Variants in EPSTI1 observed in about 807,000 individuals in gnomAD.
EPSTI1 encodes the protein epithelial stromal interaction 1.
In EPSTI1, 66 loss-of-function variants were observed where a neutral mutation model predicts 49.9. The observed-to-expected ratio is 1.32, with a 90% CI of 1.08 to 1.62. The LOEUF (loss-of-function observed/expected upper bound fraction) is 1.62, where lower values mean the gene tolerates loss of function less well. Ranked by LOEUF, EPSTI1 falls within the 40% of genes most tolerant of loss-of-function variation. The pLI is 0.00. For missense variants in EPSTI1, 394 were observed against 365.5 expected, an observed-to-expected ratio of 1.08 and a Z score of -0.64; for synonymous variants, 137 against 130.7, an observed-to-expected ratio of 1.05 and a Z score of -0.33.
intron 7 of EPSTI1, among the ~76,000 whole-genome samples, chr13:42,920,533 G>A (rs1335901952): frequency 6.6e-6 from 1 of 152,164 alleles, no homozygotes; most frequent in Non-Finnish European, 1.5e-5. Flanking sequence ...ACCAGCTATT[G>A]AGGAAGACAG....
intron 6 of EPSTI1, among the ~76,000 whole-genome samples, chr13:42,947,717 G>A (rs114145718): frequency 0.01 from 1,532 of 152,224 alleles, 30 homozygotes; most frequent in African/African-American, 0.034. Context: ...TTCCTATGAC[G>A]TACACAGATC....
In EPSTI1 at chr13:42,926,429, G is replaced by T; in HGVS notation, c.564C>A (p.Tyr188Ter). The T allele has an allele frequency of 6.2e-7, 1 of 1,604,138 alleles. No individual in the cohort carries two copies. The highest frequency in any genetic ancestry group is 8.5e-7 in the Non-Finnish European group (1 of 1,170,918). The change falls in exon 7 of 11, where the codon TAC becomes TAA. Residue 188 changes from tyrosine to a stop codon, truncating the protein, a stop_gained and splice_region_variant. Transcript: ENST00000313624. LOFTEE classifies it high-confidence loss of function. ...RREAFREHQQYKTAEFLSKLN... is the reference protein window; with the variant it reads ...RREAFREHQQ ...GTTTGCTCAAGAACTCAGCGGTTTT[G>T]CTACCAGAAACACAAACAGGTGTTA...
chr13:42,926,095 G>C (rs2038168045), intron 7 of EPSTI1, among the ~76,000 whole-genome samples: 1 of 152,198 alleles, frequency 6.6e-6, no homozygotes, highest in African/African-American at 2.4e-5. Context: ...ATGGGTGGGT[G>C]AATGAATGGT....
At chr13:42,917,689 T>A (rs533274941) in intron 7 of EPSTI1, 65 bp from the exon 8 acceptor site, 2 of 1,218,062 alleles carry the variant, frequency 1.6e-6, no homozygotes, top group East Asian at 5.2e-5. Flanking sequence ...GTTGTCACAG[T>A]ACACCAAGCT....
chr13:42,960,163 G>A (rs978531055), intron 5 of EPSTI1, among the ~76,000 whole-genome samples: 15 of 152,050 alleles, frequency 9.9e-5, no homozygotes, highest in Admixed American at 7.2e-4. Flanking sequence ...ATATAATACC[G>A]TATATTATCT....
At chr13:42,991,948 G>T (rs1416228332) in intron 1 of EPSTI1, 30 bp downstream of exon 1, 2 of 1,611,492 alleles carry the variant, frequency 1.2e-6, no homozygotes, top group Non-Finnish European at 1.7e-6. Context: ...CCGGGCTCCC[G>T]CCCCGAAGCC....
chr13:42,982,179 T>G (rs2039997492), intron 1 of EPSTI1, among the ~76,000 whole-genome samples: 1 of 152,062 alleles, frequency 6.6e-6, no homozygotes, highest in Admixed American at 6.6e-5. Context: ...ATAAGACAGT[T>G]TTCAGTAAAG....
intron 6 of EPSTI1, among the ~76,000 whole-genome samples, chr13:42,950,753 A>C (rs922611270): frequency 6.6e-6 from 1 of 152,174 alleles, no homozygotes. Flanking sequence ...AGAATTTCTT[A>C]TGTACGTTTC....
chr13:42,965,095 G>C (rs2039567749), intron 3 of EPSTI1, among the ~76,000 whole-genome samples: 1 of 152,172 alleles, frequency 6.6e-6, no homozygotes, highest in Non-Finnish European at 1.5e-5. Context: ...TATTGTGGGG[G>C]ATGGGGGATG....
At chr13:42,919,246 T>C (rs1383138319) in intron 7 of EPSTI1, 3 of 1,566,488 alleles carry the variant, frequency 1.9e-6, no homozygotes, top group East Asian at 2.2e-5. Context: ...GGAAGTCACA[T>C]GGCATCCAAA....
intron 1 of EPSTI1, among the ~76,000 whole-genome samples, chr13:42,986,026 T>G (rs965296613): frequency 5.9e-5 from 9 of 152,150 alleles, no homozygotes; most frequent in African/African-American, 2.2e-4. Context: ...AGTGTATGGG[T>G]CTGTTGCTGC....
chr13:42,973,598 G>A (rs76235165), intron 1 of EPSTI1, among the ~76,000 whole-genome samples: 4,424 of 152,310 alleles, frequency 0.029, 89 homozygotes, highest in Non-Finnish European at 0.044. Context: ...TCATGTGTCA[G>A]AGTGTAATGC....
chr13:42,962,106 G>C (rs1387275341), intron 5 of EPSTI1, among the ~76,000 whole-genome samples: 1 of 152,214 alleles, frequency 6.6e-6, no homozygotes, highest in African/African-American at 2.4e-5. Flanking sequence ...GGGAAGGCTA[G>C]GATCATGGTG....
chr13:42,930,147 G>T (rs1045705589), intron 6 of EPSTI1, among the ~76,000 whole-genome samples: 3 of 152,198 alleles, frequency 2.0e-5, no homozygotes, highest in African/African-American at 7.2e-5. Context: ...AATAATTCAT[G>T]TTATACAACA....
chr13:42,936,620 G>T lies in EPSTI1; in HGVS notation c.564-10191C>A, dbSNP rs2038574338. Among the ~76,000 whole-genome samples, 4 of 151,878 alleles carry T rather than the reference G, an allele frequency of 2.6e-5. No homozygotes were observed. In the South Asian group the frequency reaches 8.4e-4, roughly 32 times the overall value. ...TAGAGCTCCTCTGTATTTGGTCCTG[G>T]GCCCTCTTCTCAAACCTGCAATTTC... On this transcript the variant is annotated intron_variant, in intron 6 of 10. Transcript: ENST00000313624.
chr13:42,959,772 G>A (rs1427331254), intron 5 of EPSTI1, among the ~76,000 whole-genome samples: 1 of 152,176 alleles, frequency 6.6e-6, no homozygotes, highest in Non-Finnish European at 1.5e-5. Context: ...CTGAGGTTAT[G>A]ATACCAAGAG....
chr13:42,992,238 A>G lies in EPSTI1; in HGVS notation c.-73T>C, dbSNP rs1214205785. 1 of 1,432,228 alleles carries G rather than the reference A, an allele frequency of 7.0e-7. No individual in the cohort carries two copies. The highest frequency in any genetic ancestry group is 9.2e-7 in the Non-Finnish European group (1 of 1,081,766). 88.7% of individuals were successfully genotyped at this position (1,432,228 alleles called of 1,614,324 possible). ...CGGCTGGGACGCTTAGCGAGTCTCA[A>G]GATGGGATTCCAAAGTGCAGAGGCA... On this transcript the variant is annotated 5_prime_UTR_variant, in exon 1 of 11. Coordinates refer to ENST00000313624, the MANE Select transcript of EPSTI1 (RefSeq NM_033255.5).
At chr13:42,912,291 A>G (rs1594635381) in intron 8 of EPSTI1, among the ~76,000 whole-genome samples, 1 of 152,222 alleles carries the variant, frequency 6.6e-6, no homozygotes, top group South Asian at 2.1e-4. Flanking sequence ...ATCAGTTAGA[A>G]AACTGCACTA....
At chr13:42,961,625 A>G (rs1212501536) in intron 5 of EPSTI1, among the ~76,000 whole-genome samples, 1 of 152,216 alleles carries the variant, frequency 6.6e-6, no homozygotes, top group African/African-American at 2.4e-5. Flanking sequence ...AAGAACATGC[A>G]CAAATGCTGG....
Sources: allele counts gnomAD v4.1 joint callset (sites outside exome capture counted in the v4.1 genomes callset), GRCh38; gene constraint gnomAD v4.1.1; transcripts MANE v1.5; gene names NCBI Gene and HGNC (gene_info 2026-07-23, HGNC 2026-07-21).